The following AGBL1 variants were observed in gnomAD, a reference collection of about 807,000 sequenced individuals.
The protein encoded by AGBL1 is cytosolic carboxypeptidase 4.
In AGBL1, 130 loss-of-function variants were observed where a neutral mutation model predicts 118.9. The ratio of observed to expected loss-of-function variants is 1.09; its 90% CI spans 0.95 to 1.26. The LOEUF (loss-of-function observed/expected upper bound fraction) is 1.26, where lower values mean the gene tolerates loss of function less well. AGBL1 is among the 50% of genes most tolerant of loss of function. AGBL1 has a pLI of 0.00. For synonymous variants in AGBL1, 555 were observed against 478.9 expected, an observed-to-expected ratio of 1.16 and a Z score of -2.08; for missense variants, 1,584 against 1,298.1, an observed-to-expected ratio of 1.22 and a Z score of -3.38.
intron 15 of AGBL1, among the ~76,000 whole-genome samples, chr15:86,279,369 G>C (rs60607825): frequency 0.013 from 2,021 of 152,242 alleles, 58 homozygotes; most frequent in African/African-American, 0.047. Flanking sequence ...CTCATTTTCA[G>C]ACAGCAAGGA....
At chr15:86,647,252 A>G (rs1327046829) in intron 21 of AGBL1, among the ~76,000 whole-genome samples, 1 of 152,198 alleles carries the variant, frequency 6.6e-6, no homozygotes, top group African/African-American at 2.4e-5. Context: ...AGAAATGGAC[A>G]ATAAAACATG....
chr15:86,977,633 AT>A (rs1399748068), intron 23 of AGBL1, among the ~76,000 whole-genome samples: 1 of 151,770 alleles, frequency 6.6e-6, no homozygotes, highest in Non-Finnish European at 1.5e-5. Flanking sequence ...TTGTCATTAC[AT>A]TTTTCTGAGT....
intron 21 of AGBL1, among the ~76,000 whole-genome samples, chr15:86,619,082 G>A (rs1383993773): frequency 2.6e-5 from 4 of 151,966 alleles, no homozygotes; most frequent in African/African-American, 4.8e-5. Flanking sequence ...AGAGTGCTGA[G>A]GTTCAAACCT....
intron 18 of AGBL1, among the ~76,000 whole-genome samples, chr15:86,438,753 C>T (rs1385128840): frequency 1.3e-5 from 2 of 150,980 alleles, no homozygotes; most frequent in Admixed American, 6.6e-5. Flanking sequence ...CCTCTGTCTC[C>T]TGGGTCCAAA....
intron 18 of AGBL1, among the ~76,000 whole-genome samples, chr15:86,431,722 C>G (rs1223642466): frequency 6.6e-6 from 1 of 152,194 alleles, no homozygotes; most frequent in Non-Finnish European, 1.5e-5. Context: ...TACACTGTAT[C>G]AGCTTTTGGA....
chr15:86,803,778 G>A (rs952326888), intron 22 of AGBL1, among the ~76,000 whole-genome samples: 1 of 152,120 alleles, frequency 6.6e-6, no homozygotes. Flanking sequence ...GTGTGTAAGA[G>A]ACATTTGACA....
At chr15:86,607,669 T>C (rs2084596874) in intron 21 of AGBL1, among the ~76,000 whole-genome samples, 1 of 152,198 alleles carries the variant, frequency 6.6e-6, no homozygotes, top group South Asian at 2.1e-4. Context: ...ACTTACTATG[T>C]TGAACATCTT....
intron 17 of AGBL1, among the ~76,000 whole-genome samples, chr15:86,369,715 A>G (rs906490571): frequency 1.3e-5 from 2 of 152,164 alleles, no homozygotes; most frequent in Admixed American, 6.5e-5. Flanking sequence ...AGATATAAAC[A>G]CCAAACAAGC....
At chr15:86,296,539 CCTGA>C (rs2079645750) in intron 17 of AGBL1, 1 of 152,174 alleles carries the variant, frequency 6.6e-6, no homozygotes, top group African/African-American at 2.4e-5. Context: ...TACAGCCTTC[CCTGA>C]TGAAGTGCTA....
intron 18 of AGBL1, among the ~76,000 whole-genome samples, chr15:86,401,088 A>C (rs745683135): frequency 5.3e-5 from 8 of 152,098 alleles, no homozygotes; most frequent in Non-Finnish European, 1.0e-4. Flanking sequence ...GCAGTGTAAA[A>C]GTGGTCTCTT....
intron 1 of AGBL1, among the ~76,000 whole-genome samples, chr15:86,097,889 C>G (rs1368745653): frequency 6.6e-6 from 1 of 152,086 alleles, no homozygotes; most frequent in Admixed American, 6.6e-5. Context: ...TTTTAGAAAT[C>G]TCCATACTGT....
chr15:86,380,471 C>T (rs1447589618), intron 17 of AGBL1, among the ~76,000 whole-genome samples: 2 of 150,042 alleles, frequency 1.3e-5, no homozygotes, highest in East Asian at 2.0e-4. Flanking sequence ...TTTTTTCCTC[C>T]CTCCCTCCCT....
intron 23 of AGBL1, among the ~76,000 whole-genome samples, chr15:86,980,479 A>G (rs2141720364): frequency 6.6e-6 from 1 of 152,326 alleles, no homozygotes; most frequent in South Asian, 2.1e-4. Flanking sequence ...ATTCTGTGAA[A>G]GCATCTTCCC....
intron 22 of AGBL1, among the ~76,000 whole-genome samples, chr15:86,734,642 TG>T (rs2141222219): frequency 6.6e-6 from 1 of 152,258 alleles, no homozygotes; most frequent in Admixed American, 6.5e-5. Context: ...TCATTGTCAC[TG>T]GTGGTTCCTA....
intron 22 of AGBL1, among the ~76,000 whole-genome samples, chr15:86,902,541 T>C (rs1046123992): frequency 1.3e-5 from 2 of 152,156 alleles, no homozygotes; most frequent in African/African-American, 2.4e-5. Context: ...AATTTCTTTT[T>C]ATTATTTATG....
At chr15:86,153,426 C>G (rs1255709890) in intron 3 of AGBL1, among the ~76,000 whole-genome samples, 2 of 151,892 alleles carry the variant, frequency 1.3e-5, no homozygotes, top group South Asian at 2.1e-4. Flanking sequence ...AAACCAAACA[C>G]TGCATGCTCT....
At chr15:86,860,401 C>T (rs1231160777) in intron 22 of AGBL1, among the ~76,000 whole-genome samples, 2 of 150,882 alleles carry the variant, frequency 1.3e-5, no homozygotes, top group East Asian at 3.9e-4. Context: ...TCTTTTTCTC[C>T]TGGAATATAT....
chr15:86,647,075 TACAC>T (rs1031772660), intron 21 of AGBL1, among the ~76,000 whole-genome samples: 2 of 152,210 alleles, frequency 1.3e-5, no homozygotes, highest in African/African-American at 4.8e-5. Context: ...ATTTTTAAAA[TACAC>T]AAATGAAAGT....
At chr15:86,237,156 C>T (rs2078565485) in intron 6 of AGBL1, among the ~76,000 whole-genome samples, 1 of 152,150 alleles carries the variant, frequency 6.6e-6, no homozygotes, top group African/African-American at 2.4e-5. Flanking sequence ...TCCCAAGGAC[C>T]CTCTTTCCTC....
Sources: allele counts gnomAD v4.1 joint callset (sites outside exome capture counted in the v4.1 genomes callset), GRCh38; gene constraint gnomAD v4.1.1; transcripts MANE v1.5; gene names NCBI Gene and HGNC (gene_info 2026-07-23, HGNC 2026-07-21).